PRH1: variants seen among roughly 807,000 people sequenced by gnomAD.
PRH1 encodes the protein proline rich protein HaeIII subfamily 1.
PRH1 carries 7 observed loss-of-function variants against 7.9 expected under a neutral mutation model. The observed-to-expected ratio is 0.89, with a 90% confidence interval of 0.50 to 1.67. The LOEUF is 1.67. PRH1 is among the 40% of genes most tolerant of loss of function. PRH1 has a pLI of 0.00. For synonymous variants in PRH1, 45 were observed against 80.8 expected (o/e 0.56, Z 2.38); for missense variants, 109 against 223.6 (o/e 0.49, Z 3.27).
intron 1 of PRH1, chr12:11,062,331 T>C (rs762857100): frequency 2.6e-6 from 4 of 1,553,466 alleles, no homozygotes; most frequent in African/African-American, 1.4e-5. Flanking sequence ...AAAATGCTGG[T>C]GTAATATCAC....
chr12:11,096,544 TCAAAGAAGAGA>T (rs1435175798), intron 1 of PRH1, among the ~76,000 whole-genome samples: 1 of 115,572 alleles, frequency 8.7e-6, no homozygotes, highest in Admixed American at 8.6e-5. Flanking sequence ...AATACTTTGG[TCAAAGAAGAGA>T]GTAAAAGCAG....
intron 1 of PRH1, chr12:11,030,465 G>T: frequency 6.2e-7 from 1 of 1,614,280 alleles, no homozygotes; most frequent in Non-Finnish European, 8.5e-7. Flanking sequence ...AAAACTGAAA[G>T]AAAAGTCTGC....
intron 1 of PRH1, among the ~76,000 whole-genome samples, chr12:11,024,819 T>C (rs1409973036): frequency 6.6e-6 from 1 of 152,282 alleles, no homozygotes; most frequent in Non-Finnish European, 1.5e-5. Context: ...GGGTCCTTGA[T>C]TATGATGTTC....
At chr12:11,021,487 A>G (rs1941624502) in intron 1 of PRH1, 1 of 529,666 alleles carries the variant, frequency 1.9e-6, no homozygotes, top group South Asian at 2.6e-5. Flanking sequence ...ACATGCACAC[A>G]TATACACCCA....
At chr12:11,108,075 C>G (rs887932744) in intron 1 of PRH1, among the ~76,000 whole-genome samples, 5 of 152,146 alleles carry the variant, frequency 3.3e-5, no homozygotes, top group Admixed American at 6.5e-5. Context: ...AATAGTGTAA[C>G]TGGAGAAAAT....
intron 2 of PRH1, among the ~76,000 whole-genome samples, chr12:10,914,384 A>G (rs750958960): frequency 6.6e-6 from 1 of 152,238 alleles, no homozygotes; most frequent in South Asian, 2.1e-4. Flanking sequence ...GTGTGTATTC[A>G]GGGACATTAG....
At chr12:11,047,511 A>G (rs1292047190), upstream of PRH1, among the ~76,000 whole-genome samples, 1 of 93,106 alleles carries the variant, frequency 1.1e-5, no homozygotes, top group Non-Finnish European at 2.4e-5. Flanking sequence ...TCAGATGTCA[A>G]TTTCAAAAAA....
chr12:10,904,792 T>C (rs557922539), intron 2 of PRH1, among the ~76,000 whole-genome samples: 2 of 152,234 alleles, frequency 1.3e-5, no homozygotes, highest in East Asian at 3.9e-4. Flanking sequence ...AAGGGTCTAA[T>C]ATCCCAAATC....
chr12:10,907,301 A>T (rs1382619979), intron 2 of PRH1, among the ~76,000 whole-genome samples: 1 of 152,196 alleles, frequency 6.6e-6, no homozygotes, highest in Admixed American at 6.6e-5. Context: ...ATGAATGTTG[A>T]TATCAGTTTT....
At chr12:10,971,462 G>A (rs1359342399) in intron 2 of PRH1, among the ~76,000 whole-genome samples, 2 of 151,630 alleles carry the variant, frequency 1.3e-5, no homozygotes, top group Non-Finnish European at 2.9e-5. Flanking sequence ...TTACTGTATA[G>A]TACTATACTA....
At chr12:11,025,648 C>T (rs1254286062) in intron 1 of PRH1, among the ~76,000 whole-genome samples, 1 of 152,290 alleles carries the variant, frequency 6.6e-6, no homozygotes, top group Non-Finnish European at 1.5e-5. Context: ...TCTAATCTTA[C>T]AGAACTCCAG....
At chr12:10,990,216 GA>G (rs1939865116) in intron 1 of PRH1, among the ~76,000 whole-genome samples, 1 of 152,160 alleles carries the variant, frequency 6.6e-6, no homozygotes, top group African/African-American at 2.4e-5. Context: ...ATACTCTGGG[GA>G]AAGGACAGTC....
chr12:11,141,796 T>C (rs1458017607), intron 1 of PRH1, among the ~76,000 whole-genome samples: 1 of 151,990 alleles, frequency 6.6e-6, no homozygotes, highest in Non-Finnish European at 1.5e-5. Flanking sequence ...TTGTTTTGGG[T>C]GGAGGGAGGG....
At chr12:10,891,213 A>T (rs1473752185) in intron 2 of PRH1, among the ~76,000 whole-genome samples, 1 of 152,188 alleles carries the variant, frequency 6.6e-6, no homozygotes, top group African/African-American at 2.4e-5. Flanking sequence ...ACTTTCAAAT[A>T]AGCATTATTG....
chr12:11,090,700 T>C (rs1944851227), intron 1 of PRH1, among the ~76,000 whole-genome samples: 1 of 110,404 alleles, frequency 9.1e-6, no homozygotes, highest in Non-Finnish European at 2.1e-5. Context: ...CATTGTTTTC[T>C]AACAATAATT....
intron 2 of PRH1, among the ~76,000 whole-genome samples, chr12:10,924,632 G>C (rs1283556276): frequency 6.6e-6 from 1 of 152,158 alleles, no homozygotes; most frequent in African/African-American, 2.4e-5. Flanking sequence ...GTCTGGTCCT[G>C]GACTTTTTTT....
At chr12:11,150,794 C>T (rs912817676) in intron 1 of PRH1, among the ~76,000 whole-genome samples, 1 of 152,100 alleles carries the variant, frequency 6.6e-6, no homozygotes, top group African/African-American at 2.4e-5. Flanking sequence ...ACATTGTGCA[C>T]ATGTACCCTA....
intron 1 of PRH1, among the ~76,000 whole-genome samples, chr12:11,160,595 C>T (rs1042922312): frequency 2.6e-5 from 4 of 152,154 alleles, no homozygotes; most frequent in East Asian, 3.9e-4. Flanking sequence ...CTCAGCCTCC[C>T]GAGTAGCTGG....
intron 1 of PRH1, among the ~76,000 whole-genome samples, chr12:11,142,837 T>C (rs1407638945): frequency 6.6e-6 from 1 of 152,166 alleles, no homozygotes; most frequent in Non-Finnish European, 1.5e-5. Flanking sequence ...TAGCCCAGAA[T>C]AGTGTTACTG....
Sources: gnomAD v4.1 joint callset for allele counts (sites outside exome capture counted in the v4.1 genomes callset) on GRCh38, gnomAD v4.1.1 for gene constraint, MANE v1.5 for transcripts, NCBI Gene and HGNC (gene_info 2026-07-23, HGNC 2026-07-21) for gene names.